DNAI4: variants seen among roughly 807,000 people sequenced by gnomAD.
DNAI4 encodes dynein axonemal intermediate chain 4.
Under a neutral mutation model 105.8 loss-of-function variants are expected in DNAI4, and 85 were observed. The ratio of observed to expected loss-of-function variants is 0.80; its 90% CI spans 0.67 to 0.96. The LOEUF is 0.96. DNAI4 is among the 40% of genes least tolerant of loss of function. The pLI is 0.00. For missense variants in DNAI4, 1,014 were observed against 1,005.6 expected (o/e 1.01, Z -0.11); for synonymous variants, 352 against 331.5 (o/e 1.06, Z -0.67).
At position 66,874,904 on chromosome 1, in the gene DNAI4, A is replaced by AT. The variant is rs1646929630; in HGVS notation, c.676dup (p.Ile226AsnfsTer25). Reference sequence around the variant, plus strand: ...CTTCTCCAGGTCTTCTTTTGTTACAATTTTTTCAGGTGCTGCCCTTATAAC... The same window carrying AT: ...CTTCTCCAGGTCTTCTTTTGTTACAATTTTTTTCAGGTGCTGCCCTTATAAC... On this transcript the variant is annotated frameshift_variant, in exon 5 of 17. Transcript: ENST00000371026. LOFTEE classifies it high-confidence loss of function. 15 of 1,611,882 alleles carry AT rather than the reference A, an allele frequency of 9.3e-6. No homozygotes were observed. The South Asian group carries it at 1.3e-4, about 14-fold the overall frequency.
intron 1 of DNAI4, among the ~76,000 whole-genome samples, chr1:66,908,549 G>T (rs557764080): frequency 6.0e-4 from 92 of 152,232 alleles, no homozygotes; most frequent in African/African-American, 2.1e-3. Flanking sequence ...CCTGTGGTGT[G>T]GTGGGCCCCC....
intron 1 of DNAI4, among the ~76,000 whole-genome samples, chr1:66,909,761 T>TCCACCA (rs1448896253): frequency 3.6e-4 from 54 of 151,766 alleles, no homozygotes; most frequent in Admixed American, 1.6e-3. Context: ...GACATTAACC[T>TCCACCA]CCACCACCAC....
intron 1 of DNAI4, among the ~76,000 whole-genome samples, chr1:66,915,827 G>A (rs1650023280): frequency 6.6e-6 from 1 of 151,800 alleles, no homozygotes; most frequent in Non-Finnish European, 1.5e-5. Context: ...TTTTATATGA[G>A]AAAAAAAATC....
chr1:66,920,992 C>T (rs187060426), intron 1 of DNAI4, among the ~76,000 whole-genome samples: 1 of 152,204 alleles, frequency 6.6e-6, no homozygotes, highest in Admixed American at 6.5e-5. Flanking sequence ...AATTGTAAGG[C>T]ATATCAAAAG....
At chr1:66,845,038 C>T (rs1646241034) in intron 8 of DNAI4, among the ~76,000 whole-genome samples, 1 of 151,524 alleles carries the variant, frequency 6.6e-6, no homozygotes. Flanking sequence ...TACTAAACTA[C>T]AAAAATTAGC....
chr1:66,887,732 G>A (rs1023801140), intron 4 of DNAI4, among the ~76,000 whole-genome samples: 2 of 152,086 alleles, frequency 1.3e-5, no homozygotes, highest in African/African-American at 4.8e-5. Flanking sequence ...CCAGCATTTT[G>A]GGAGGCCAAG....
intron 15 of DNAI4, among the ~76,000 whole-genome samples, chr1:66,823,485 C>T (rs1315215512): frequency 2.7e-5 from 4 of 149,048 alleles, no homozygotes; most frequent in African/African-American, 4.9e-5. Context: ...AATCGCCACA[C>T]TGACTTCCAC....
intron 1 of DNAI4, among the ~76,000 whole-genome samples, chr1:66,916,144 GTTGT>G (rs1650057159): frequency 9.8e-6 from 1 of 101,738 alleles, no homozygotes; most frequent in Non-Finnish European, 2.4e-5. Context: ...AAAATGACTG[GTTGT>G]TTAAGAAGGA....
chr1:66,910,562 C>A (rs1477492112), intron 1 of DNAI4, among the ~76,000 whole-genome samples: 2 of 152,224 alleles, frequency 1.3e-5, no homozygotes, highest in Admixed American at 1.3e-4. Flanking sequence ...CCTCTCCCCA[C>A]CTGCCCTAAT....
intron 15 of DNAI4, among the ~76,000 whole-genome samples, chr1:66,824,960 T>G (rs1359056539): frequency 6.6e-6 from 1 of 152,194 alleles, no homozygotes; most frequent in African/African-American, 2.4e-5. Context: ...ACATGACTCC[T>G]GCTGGAAATT....
intron 5 of DNAI4, among the ~76,000 whole-genome samples, chr1:66,873,050 CTTTT>C (rs1156868348): frequency 1.3e-5 from 2 of 152,050 alleles, no homozygotes; most frequent in Non-Finnish European, 2.9e-5. Flanking sequence ...TTAACTCTGT[CTTTT>C]ATTTGTTTAA....
At chr1:66,835,466 T>C (rs932486706) in intron 11 of DNAI4, among the ~76,000 whole-genome samples, 160 bp downstream of exon 11, 1 of 152,146 alleles carries the variant, frequency 6.6e-6, no homozygotes, top group African/African-American at 2.4e-5. Flanking sequence ...GGACAGACCA[T>C]TCCAGCTGGA....
intron 7 of DNAI4, among the ~76,000 whole-genome samples, chr1:66,851,415 G>A (rs956602151): frequency 1.3e-5 from 2 of 151,838 alleles, no homozygotes; most frequent in East Asian, 3.8e-4. Context: ...AAATCAGCAA[G>A]GGTATATATG....
chr1:66,903,515 CAG>C (rs1243300332), intron 2 of DNAI4, among the ~76,000 whole-genome samples: 1 of 152,116 alleles, frequency 6.6e-6, no homozygotes, highest in African/African-American at 2.4e-5. Context: ...TATTTTGAGA[CAG>C]AGTCTCAGTC....
At chr1:66,852,809 A>G (rs930738896) in intron 7 of DNAI4, among the ~76,000 whole-genome samples, 3 of 152,154 alleles carry the variant, frequency 2.0e-5, no homozygotes, top group Non-Finnish European at 4.4e-5. Flanking sequence ...CAGATAATTA[A>G]CTCATGAGAG....
chr1:66,871,554 C>T (rs1485121256), intron 5 of DNAI4, 45 bp from the exon 6 acceptor site: 1 of 1,481,362 alleles, frequency 6.8e-7, no homozygotes, highest in Non-Finnish European at 9.1e-7. Context: ...AGAATCATCA[C>T]CACACGTATT....
At chr1:66,823,713 A>G (rs1473597394) in intron 15 of DNAI4, among the ~76,000 whole-genome samples, 1 of 146,288 alleles carries the variant, frequency 6.8e-6, no homozygotes, top group Non-Finnish European at 1.5e-5. Flanking sequence ...TCTTCTTTTG[A>G]GAAGTGTCTG....
intron 16 of DNAI4, among the ~76,000 whole-genome samples, chr1:66,814,660 G>A (rs912838366): frequency 7.9e-5 from 12 of 152,116 alleles, no homozygotes; most frequent in Admixed American, 7.2e-4. Flanking sequence ...GAGCCACCGC[G>A]CCTGGCCAAA....
rs1373021737 is a variant in DNAI4, at chr1:66,840,512, T to C, written c.1451A>G (p.Lys484Arg). The change falls in exon 9 of 17, where the codon AAA becomes AGA. Residue 484 changes from lysine to arginine, a missense_variant. By Grantham distance (26) the Lys-to-Arg change is conservative. Coordinates refer to ENST00000371026, the MANE Select transcript of DNAI4 (RefSeq NM_024763.5). ...RLWSFSCDLT[K>R]GLNVSSLAWN... is the part of the protein sequence containing the mutation. ...GGCAAGGCTGCTCACATTGAGGCCT[T>C]TGGTTAAGTCACAGGAAAAAGACCA... 6.2e-7 allele frequency: 1 copy of C among 1,614,220 alleles called. No individual in the cohort carries two copies. Among genetic ancestry groups the C allele is most frequent in the South Asian group, 1.1e-5 (1 of 91,086 alleles).
Sources: gnomAD v4.1 joint callset for allele counts (sites outside exome capture counted in the v4.1 genomes callset) on GRCh38, gnomAD v4.1.1 for gene constraint, MANE v1.5 for transcripts, NCBI Gene and HGNC (gene_info 2026-07-23, HGNC 2026-07-21) for gene names.